Variants in ARID1A observed in about 807,000 individuals in gnomAD.
ARID1A encodes the protein AT-rich interactive domain-containing protein 1A.
Under a neutral mutation model 212.6 loss-of-function variants are expected in ARID1A, and 20 were observed. The observed-to-expected ratio is 0.09, with a 90% CI of 0.07 to 0.14. The LOEUF (loss-of-function observed/expected upper bound fraction) is 0.14, where lower values mean the gene tolerates loss of function less well. Ranked by LOEUF, ARID1A falls within the 10% of genes least tolerant of loss-of-function variation. ARID1A has a pLI of 1.00. For synonymous variants in ARID1A, 1,376 were observed against 1,222.1 expected (o/e 1.13, Z -2.63); for missense variants, 2,587 against 3,059.0 (o/e 0.85, Z 3.64).
chr1:26,735,316 T>C (rs772280574), intron 4 of ARID1A, among the ~76,000 whole-genome samples: 3 of 150,376 alleles, frequency 2.0e-5, no homozygotes, highest in Non-Finnish European at 4.4e-5. Context: ...TTTTGGATAC[T>C]GAGTCTCACT....
rs866265719 is a variant in ARID1A at position 26,781,258 on chromosome 1, G to T, written c.*502G>T. On this transcript the variant is annotated 3_prime_UTR_variant, in exon 20 of 20. Coordinates refer to ENST00000324856, the MANE Select transcript of ARID1A (RefSeq NM_006015.6). ...ATTGTTGTACATTCACAATCTTGCAGGAGCCAAGAAGTTCGCAGTTGTGAA... is the reference window on the plus strand; with the variant it reads ...ATTGTTGTACATTCACAATCTTGCATGAGCCAAGAAGTTCGCAGTTGTGAA... 5 of 236,018 alleles carry T rather than the reference G, an allele frequency of 2.1e-5. No homozygotes were observed. The highest frequency in any genetic ancestry group is 4.2e-5 in the Non-Finnish European group (5 of 119,852). 14.6% of individuals were successfully genotyped at this position (236,018 alleles called of 1,614,324 possible).
chr1:26,738,110 G>A (rs2080751913), intron 4 of ARID1A, among the ~76,000 whole-genome samples: 1 of 150,986 alleles, frequency 6.6e-6, no homozygotes, highest in African/African-American at 2.4e-5. Context: ...AACAACTTCC[G>A]CCTCCCGGGT....
rs2081174333 is a variant in ARID1A at position 26,779,829 on chromosome 1, T to G, written c.5931T>G (p.Leu1977=). ...CCCTTCTGGACTGGCAGGATTCTCT[T>G]GCCAAGCGCTGCGTCTGTGTGTCCA... is the stretch of plus-strand genomic sequence containing the variant. The part of the protein sequence containing the change: ...LCTLLDWQDS[L]AKRCVCVSNT... The change falls in exon 20 of 20, where the codon CTT becomes CTG. Residue 1977 remains leucine, a synonymous_variant. Transcript: ENST00000324856. 1 of 1,614,122 alleles carries G rather than the reference T, an allele frequency of 6.2e-7. No individual in the cohort carries two copies. Among genetic ancestry groups the G allele is most frequent in the Non-Finnish European group, 8.5e-7 (1 of 1,180,034 alleles).
chr1:26,768,043 A>C (rs770307078), intron 11 of ARID1A, 44 bp downstream of exon 11: 1 of 1,587,572 alleles, frequency 6.3e-7, no homozygotes, highest in Non-Finnish European at 8.6e-7. Context: ...GGTTTCCACA[A>C]ACCCCTTTCT....
At chr1:26,732,919 G>T in intron 4 of ARID1A, 127 bp downstream of exon 4, 1 of 773,840 alleles carries the variant, frequency 1.3e-6, no homozygotes, top group Non-Finnish European at 2.1e-6. Context: ...TGAATTCAAG[G>T]AACTTAAAGG....
rs754780750 is a variant in ARID1A at position 26,697,498 on chromosome 1, G to GAGC, written c.1099_1101dup (p.Ser367dup). On this transcript the variant is annotated inframe_insertion, in exon 1 of 20. Coordinates refer to ENST00000324856, the MANE Select transcript of ARID1A (RefSeq NM_006015.6). ...GCCACCACGCGCCCATGAGCCCCGG[G>GAGC]AGCAGCGGCGGCGGGGGGCAGCCGC... is the stretch of plus-strand genomic sequence containing the variant. The GAGC allele has an allele frequency of 5.0e-6, 7 of 1,407,954 alleles. No homozygotes were observed. Among genetic ancestry groups the GAGC allele is most frequent in the South Asian group, 4.5e-5 (3 of 66,200 alleles). The allele number at this position is 1,407,954 out of a possible 1,614,324, so 87.2% of individuals were successfully genotyped here. A position where few individuals can be genotyped will look rare whatever the true frequency, so the allele number is the denominator to read the frequency against.
intron 4 of ARID1A, among the ~76,000 whole-genome samples, chr1:26,751,116 G>A (rs567555690): frequency 7.2e-4 from 110 of 151,994 alleles, no homozygotes; most frequent in African/African-American, 2.4e-3. Flanking sequence ...TTAGCCGGGC[G>A]TGGTGGCGAG....
Position 26,774,536 on chromosome 1 carries a change from G to T in ARID1A, c.4309G>T (p.Ala1437Ser), listed in dbSNP as rs1469508653. Reference protein sequence around the residue: ...VYNQYGNAYPATATAATERRP... With the variant: ...VYNQYGNAYPSTATAATERRP... Reference sequence around the variant, plus strand: ...CAACCAGTATGGCAATGCCTATCCTGCCACTGCCACAGCTGCTACTGAGCG... The same window carrying T: ...CAACCAGTATGGCAATGCCTATCCTTCCACTGCCACAGCTGCTACTGAGCG... Residue 1437 changes from alanine (A) to serine (S), a missense_variant, in exon 18 of 20, where the codon GCC (alanine) becomes TCC (serine). Coordinates refer to ENST00000324856, the MANE Select transcript of ARID1A (RefSeq NM_006015.6). The surrounding 1 kb of genome is among the most constrained non-coding windows in gnomAD (Gnocchi z 5.6). 6 of 1,614,090 alleles carry T rather than the reference G, an allele frequency of 3.7e-6. No homozygotes were observed. Among genetic ancestry groups the T allele is most frequent in the Non-Finnish European group, 5.1e-6 (6 of 1,180,002 alleles).
At chr1:26,725,450 A>T (rs2080607059) in intron 1 of ARID1A, among the ~76,000 whole-genome samples, 1 of 152,108 alleles carries the variant, frequency 6.6e-6, no homozygotes. Context: ...TCCCCTTCTG[A>T]TTTGAGCAGA....
At chr1:26,747,109 A>G (rs1385523648) in intron 4 of ARID1A, among the ~76,000 whole-genome samples, 5 of 152,166 alleles carry the variant, frequency 3.3e-5, no homozygotes, top group Admixed American at 1.3e-4. Flanking sequence ...AATTAGCCCT[A>G]TTGTTTTTTT....
intron 1 of ARID1A, among the ~76,000 whole-genome samples, chr1:26,717,559 C>T (rs2080515165): frequency 6.6e-6 from 1 of 152,196 alleles, no homozygotes; most frequent in African/African-American, 2.4e-5. Context: ...ATGGGACAGA[C>T]ATTAATTGTT....
rs999125494 is a variant in ARID1A, at chr1:26,774,833, G to C, written c.4606G>C (p.Asp1536His). The part of the protein sequence containing the change: ...VNRTDEMLHT[D>H]QRANHEGSWP... ...CCGAACAGATGAAATGCTGCACACA[G>C]ATCAGAGGGCCAACCACGAAGGCTC... The change falls in exon 18 of 20, where the codon GAT becomes CAT. Residue 1536 changes from aspartate to histidine, a missense_variant. Transcript: ENST00000324856. The surrounding 1 kb of genome is among the most constrained non-coding windows in gnomAD (Gnocchi z 5.6). 6.2e-7 allele frequency: 1 copy of C among 1,611,666 alleles called. No individual in the cohort carries two copies. Among genetic ancestry groups the C allele is most frequent in the South Asian group, 1.1e-5 (1 of 91,000 alleles).
chr1:26,713,135 A>T (rs1420854986), intron 1 of ARID1A, among the ~76,000 whole-genome samples: 1 of 152,110 alleles, frequency 6.6e-6, no homozygotes, highest in Non-Finnish European at 1.5e-5. Flanking sequence ...AAGGAATCTT[A>T]TGTTTGTGTG....
At chr1:26,697,582 C>T (rs989058750) in intron 1 of ARID1A, 42 bp downstream of exon 1, 6 of 1,282,392 alleles carry the variant, frequency 4.7e-6, no homozygotes, top group Non-Finnish European at 4.9e-6. Context: ...GAGCGTGGTC[C>T]TGGGGGTGGG....
Position 26,771,358 on chromosome 1 carries a change from T to C in ARID1A, c.3406+32T>C, listed in dbSNP as rs747086278. The C allele has an allele frequency of 2.5e-6, 4 of 1,600,764 alleles. No homozygotes were observed. The South Asian group carries it at 3.3e-5, about 13-fold the overall frequency. Reference sequence around the variant, plus strand: ...ATGGGGTCAGCGGCCCCACCAAGGCTGAGAGGGCCTGTTGCCCTGGCCTCT... The same window carrying C: ...ATGGGGTCAGCGGCCCCACCAAGGCCGAGAGGGCCTGTTGCCCTGGCCTCT... On this transcript the variant is annotated intron_variant, in intron 12 of 19. Transcript: ENST00000324856. The surrounding 1 kb of genome is among the most constrained non-coding windows in gnomAD (Gnocchi z 5.4).
chr1:26,720,743 A>C (rs2080555746), intron 1 of ARID1A, among the ~76,000 whole-genome samples: 1 of 152,064 alleles, frequency 6.6e-6, no homozygotes, highest in East Asian at 1.9e-4. Flanking sequence ...ATGTGCTTAT[A>C]GTCCCAGCTA....
At chr1:26,731,881 T>A (rs936799993) in intron 3 of ARID1A, among the ~76,000 whole-genome samples, 1 of 152,024 alleles carries the variant, frequency 6.6e-6, no homozygotes, top group African/African-American at 2.4e-5. Flanking sequence ...CTGGTTTTTT[T>A]ATTTTATTTT....
At chr1:26,728,652 T>TCA (rs2080642370) in intron 1 of ARID1A, among the ~76,000 whole-genome samples, 1 of 152,190 alleles carries the variant, frequency 6.6e-6, no homozygotes, top group Admixed American at 6.5e-5. Context: ...AGTATCTATT[T>TCA]CACCCCCAAT....
At chr1:26,757,245 G>T (rs1399452556) in intron 4 of ARID1A, among the ~76,000 whole-genome samples, 2 of 149,310 alleles carry the variant, frequency 1.3e-5, no homozygotes, top group African/African-American at 2.5e-5. Flanking sequence ...TGAGGCGAGC[G>T]GATGGAGGTC....
Sources: gnomAD v4.1 joint callset for allele counts (sites outside exome capture counted in the v4.1 genomes callset) on GRCh38, gnomAD v4.1.1 for gene constraint, Gnocchi (gnomAD v3.1) non-coding constraint, MANE v1.5 for transcripts, NCBI Gene and HGNC (gene_info 2026-07-23, HGNC 2026-07-21) for gene names.